Variants in SEMA3E observed in about 807,000 individuals in gnomAD.
SEMA3E encodes semaphorin-3E.
Under a neutral mutation model 93.6 loss-of-function variants are expected in SEMA3E, and 49 were observed. The observed-to-expected ratio is 0.52, with a 90% CI of 0.42 to 0.66. SEMA3E has a LOEUF of 0.66. Among genes scored for constraint, SEMA3E ranks in the 30% least tolerant of loss-of-function variants. SEMA3E has a pLI of 0.00. For synonymous variants in SEMA3E, 363 were observed against 330.7 expected, an observed-to-expected ratio of 1.10 and a Z score of -1.06; for missense variants, 906 against 964.8, an observed-to-expected ratio of 0.94 and a Z score of 0.81.
At chr7:83,448,219 T>C (rs530952180) in intron 4 of SEMA3E, among the ~76,000 whole-genome samples, 47 of 152,218 alleles carry the variant, frequency 3.1e-4, no homozygotes, top group Non-Finnish European at 3.8e-4. Flanking sequence ...GAATTAGCAA[T>C]ATAGTGTGTG....
intron 1 of SEMA3E, among the ~76,000 whole-genome samples, chr7:83,513,552 A>G (rs1017265456): frequency 6.6e-5 from 10 of 152,198 alleles, no homozygotes; most frequent in African/African-American, 2.4e-4. Flanking sequence ...GGACATTGCC[A>G]CAAAATTAAA....
At position 83,418,420 on chromosome 7, in the gene SEMA3E, G is replaced by T; in HGVS notation, c.520C>A (p.Pro174Thr). 3.7e-6 allele frequency: 6 copies of T among 1,611,866 alleles called. No individual in the cohort carries two copies. The highest frequency in any genetic ancestry group is 5.1e-6 in the Non-Finnish European group (6 of 1,178,858). ...AAAGTGGAGATGAAGGAGGAGCTGG[G>T]GTCAAAAGGACATCTGCCCCTTCCT... ...ERGRGRCPFD[P>T]SSSFISTLIG... Residue 174 changes from proline to threonine, a missense_variant, in exon 5 of 17, where the codon CCC becomes ACC. Pro to Thr is a conservative substitution (Grantham distance 38). Coordinates refer to ENST00000643230, the MANE Select transcript of SEMA3E (RefSeq NM_012431.3).
intron 1 of SEMA3E, among the ~76,000 whole-genome samples, chr7:83,593,549 C>A (rs1792805892): frequency 6.6e-6 from 1 of 151,834 alleles, no homozygotes; most frequent in Non-Finnish European, 1.5e-5. Context: ...GGCTGAGAAG[C>A]AGTGAGAAAG....
intron 1 of SEMA3E, among the ~76,000 whole-genome samples, chr7:83,496,777 T>C (rs1194027472): frequency 6.6e-6 from 1 of 152,068 alleles, no homozygotes; most frequent in Non-Finnish European, 1.5e-5. Context: ...ATTTACCAAG[T>C]AATGGCTGAC....
intron 5 of SEMA3E, among the ~76,000 whole-genome samples, chr7:83,416,970 T>A (rs956834140): frequency 1.4e-5 from 2 of 142,172 alleles, no homozygotes; most frequent in African/African-American, 5.3e-5. Flanking sequence ...TTCCTTTTTT[T>A]AATACTCTGT....
chr7:83,470,208 C>T lies in SEMA3E; in HGVS notation c.277-906G>A, dbSNP rs377357385. Among the ~76,000 whole-genome samples, 12 of 152,198 alleles carry T rather than the reference C, an allele frequency of 7.9e-5. No homozygotes were observed. In the East Asian group the frequency reaches 1.7e-3, roughly 22 times the overall value. On this transcript the variant is annotated intron_variant, in intron 2 of 16. Transcript: ENST00000643230. ...TTATTCTCTGATAAGAAGAATATAT[C>T]GAATTTTTCTTTTTCACCTCTAATA... is the stretch of plus-strand genomic sequence containing the variant.
At chr7:83,518,519 A>G (rs1052071282) in intron 1 of SEMA3E, among the ~76,000 whole-genome samples, 3 of 152,100 alleles carry the variant, frequency 2.0e-5, no homozygotes, top group African/African-American at 7.2e-5. Flanking sequence ...CTTCTTACTA[A>G]TTATTTGATC....
chr7:83,380,716 C>T (rs995674093), intron 16 of SEMA3E, among the ~76,000 whole-genome samples: 3 of 151,900 alleles, frequency 2.0e-5, no homozygotes, highest in African/African-American at 7.2e-5. Context: ...TGTTTGCACT[C>T]TTGTCTTTAT....
chr7:83,430,683 T>TG (rs902765168), intron 4 of SEMA3E, among the ~76,000 whole-genome samples: 11 of 151,792 alleles, frequency 7.2e-5, no homozygotes, highest in African/African-American at 2.7e-4. Context: ...TGTCAGGGGC[T>TG]GGGGGAGATG....
intron 1 of SEMA3E, among the ~76,000 whole-genome samples, chr7:83,531,338 A>ATT (rs1363628918): frequency 1.0e-4 from 4 of 40,126 alleles, no homozygotes; most frequent in Non-Finnish European, 1.3e-4. Context: ...TGATTGGAAT[A>ATT]TTCTTTTTTT....
chr7:83,459,478 G>A (rs191618979), intron 4 of SEMA3E, among the ~76,000 whole-genome samples: 4 of 152,086 alleles, frequency 2.6e-5, no homozygotes, highest in African/African-American at 9.7e-5. Context: ...TATATACATA[G>A]GTATACTTTG....
intron 1 of SEMA3E, among the ~76,000 whole-genome samples, chr7:83,573,857 TATA>T (rs1792342012): frequency 6.6e-6 from 1 of 151,888 alleles, no homozygotes; most frequent in African/African-American, 2.4e-5. Context: ...TTTAATTCTT[TATA>T]ATACTATTTT....
intron 4 of SEMA3E, among the ~76,000 whole-genome samples, chr7:83,455,796 C>G (rs111586645): frequency 4.6e-5 from 7 of 152,316 alleles, no homozygotes; most frequent in African/African-American, 1.4e-4. Context: ...TGCATGTGAC[C>G]CCTAGGAGTT....
At chr7:83,565,895 C>G (rs1418406911) in intron 1 of SEMA3E, among the ~76,000 whole-genome samples, 1 of 151,838 alleles carries the variant, frequency 6.6e-6, no homozygotes, top group Non-Finnish European at 1.5e-5. Context: ...TTTAAAAAGT[C>G]CTTTTAATAG....
intron 1 of SEMA3E, among the ~76,000 whole-genome samples, chr7:83,531,554 C>T (rs937689845): frequency 5.3e-5 from 8 of 151,606 alleles, no homozygotes; most frequent in Non-Finnish European, 1.2e-4. Context: ...GGTTTCACTA[C>T]GTTGGCCAGG....
chr7:83,613,623 T>G (rs1188624730), intron 1 of SEMA3E, among the ~76,000 whole-genome samples: 2 of 152,112 alleles, frequency 1.3e-5, no homozygotes, highest in Non-Finnish European at 2.9e-5. Context: ...ATTGTCAGTA[T>G]TTTTGATGCA....
intron 1 of SEMA3E, among the ~76,000 whole-genome samples, chr7:83,631,049 A>G (rs1335406563): frequency 6.6e-6 from 1 of 152,198 alleles, no homozygotes; most frequent in African/African-American, 2.4e-5. Flanking sequence ...AGCAAATTCA[A>G]GTTATAAAAT....
At chr7:83,385,494 C>A in intron 15 of SEMA3E, 61 bp from the exon 16 acceptor site, 1 of 1,531,252 alleles carries the variant, frequency 6.5e-7, no homozygotes, top group Non-Finnish European at 9.0e-7. Context: ...ATAAATTTTT[C>A]AAACATTATT....
At chr7:83,511,489 C>T (rs940880746) in intron 1 of SEMA3E, among the ~76,000 whole-genome samples, 1 of 152,040 alleles carries the variant, frequency 6.6e-6, no homozygotes, top group Admixed American at 6.6e-5. Context: ...TGCAGCTAAA[C>T]ATTTCTAAGT....
Sources: allele counts gnomAD v4.1 joint callset (sites outside exome capture counted in the v4.1 genomes callset), GRCh38; gene constraint gnomAD v4.1.1; transcripts MANE v1.5; gene names NCBI Gene and HGNC (gene_info 2026-07-23, HGNC 2026-07-21).